NPFFR1: variants seen among roughly 807,000 people sequenced by gnomAD.
NPFFR1 encodes the protein G-protein coupled receptor 147.
NPFFR1 carries 17 observed loss-of-function variants against 12.7 expected under a neutral mutation model. The observed-to-expected ratio is 1.34, with a 90% CI of 0.92 to 2.01. NPFFR1 has a LOEUF of 2.01. Ranked by LOEUF, NPFFR1 falls within the 30% of genes most tolerant of loss-of-function variation. The pLI is 0.00. For missense variants in NPFFR1, 604 were observed against 606.5 expected (o/e 1.00, Z 0.04); for synonymous variants, 296 against 264.5 (o/e 1.12, Z -1.16).
rs1840489487 is a variant in NPFFR1 at position 70,249,591 on chromosome 10, T to G, written c.*5366A>C. ...TCTGCCTCCCAGGTTCAAGTGATTC[T>G]CCTGCCTCAGTCTCCCAAGTAGCTG... On this transcript the variant is annotated 3_prime_UTR_variant, in exon 4 of 4. Coordinates refer to ENST00000277942, the MANE Select transcript of NPFFR1 (RefSeq NM_022146.5). The G allele has an allele frequency of 6.6e-6, 1 of 151,422 alleles. No individual in the cohort carries two copies. The highest frequency in any genetic ancestry group is 2.1e-4 in the South Asian group (1 of 4,772). The allele number at this position is 151,422 out of a possible 1,614,324, so 9.4% of individuals were successfully genotyped here. A position where few individuals can be genotyped will look rare whatever the true frequency, so the allele number is the denominator to read the frequency against.
intron 1 of NPFFR1, among the ~76,000 whole-genome samples, chr10:70,280,336 A>G (rs1840847262): frequency 6.6e-6 from 1 of 152,204 alleles, no homozygotes; most frequent in African/African-American, 2.4e-5. Context: ...AATTTATTAC[A>G]TTCCCACCAA....
At chr10:70,276,721 G>A (rs1840809009) in intron 1 of NPFFR1, among the ~76,000 whole-genome samples, 2 of 151,540 alleles carry the variant, frequency 1.3e-5, no homozygotes, top group South Asian at 4.2e-4. Flanking sequence ...TGAGTAGCCA[G>A]GATTACAGAC....
chr10:70,283,333 C>T (rs1263747971), intron 1 of NPFFR1, among the ~76,000 whole-genome samples: 2 of 151,354 alleles, frequency 1.3e-5, no homozygotes, highest in Non-Finnish European at 2.9e-5. Context: ...GTCTCTATGT[C>T]TCTGTCTCTG....
chr10:70,283,222 A>ACT (rs758178711), intron 1 of NPFFR1, among the ~76,000 whole-genome samples: 8 of 109,312 alleles, frequency 7.3e-5, no homozygotes, highest in East Asian at 2.8e-4. Flanking sequence ...TCTCTCTCTC[A>ACT]CTCTCTCTCT....
chr10:70,279,580 T>C (rs2210665), intron 1 of NPFFR1, among the ~76,000 whole-genome samples: 143,252 of 152,224 alleles, frequency 0.94, 68,026 homozygotes, highest in East Asian at 1. Flanking sequence ...TTGCCTCAGC[T>C]TCCCGAGTAG....
In NPFFR1 at chr10:70,266,160, A is replaced by C. The variant is rs1166714577; in HGVS notation, c.239T>G (p.Met80Arg). 6.2e-7 allele frequency: 1 copy of C among 1,613,898 alleles called. No individual in the cohort carries two copies. The highest frequency in any genetic ancestry group is 1.3e-5 in the African/African-American group (1 of 74,928). Residue 80 changes from methionine (M) to arginine (R), a missense_variant, in exon 2 of 4, where the codon ATG (methionine) becomes AGG (arginine). Physicochemically the swap from Met to Arg is moderately conservative, Grantham distance 91. Coordinates refer to ENST00000277942, the MANE Select transcript of NPFFR1 (RefSeq NM_022146.5). ...KNRHMHTVTN[M>R]FILNLAVSDL... ...ACTGACAGCCAGGTTGAGGATGAAC[A>C]TGTTGGTGACAGTATGCATGTGCCG...
chr10:70,282,095 A>C (rs1840868620), intron 1 of NPFFR1, among the ~76,000 whole-genome samples: 1 of 152,214 alleles, frequency 6.6e-6, no homozygotes. Flanking sequence ...CCTCAAAAGC[A>C]ATGATTATAT....
intron 3 of NPFFR1, among the ~76,000 whole-genome samples, chr10:70,259,811 C>G (rs1231939382): frequency 6.6e-6 from 1 of 152,228 alleles, no homozygotes; most frequent in African/African-American, 2.4e-5. Context: ...CAGGAGCTCA[C>G]TGAAGCCTCC....
rs1589912562 is a variant in NPFFR1, at chr10:70,266,002, T to C, written c.322+75A>G. The C allele has an allele frequency of 2.1e-6, 3 of 1,401,560 alleles. No individual in the cohort carries two copies. In the African/African-American group the frequency reaches 4.2e-5, roughly 20 times the overall value. 86.8% of individuals were successfully genotyped at this position (1,401,560 alleles called of 1,614,324 possible). Reference sequence around the variant, plus strand: ...CAGCAATGATATCTGTCTTCTAAGCTTTGATTTCCAGCCTTATCTGAGAAG... The same window carrying C: ...CAGCAATGATATCTGTCTTCTAAGCCTTGATTTCCAGCCTTATCTGAGAAG... On this transcript the variant is annotated intron_variant, in intron 2 of 3. Coordinates refer to ENST00000277942, the MANE Select transcript of NPFFR1 (RefSeq NM_022146.5).
At chr10:70,282,052 G>A (rs1211160966) in intron 1 of NPFFR1, among the ~76,000 whole-genome samples, 1 of 152,164 alleles carries the variant, frequency 6.6e-6, no homozygotes, top group Non-Finnish European at 1.5e-5. Flanking sequence ...CCCATCTTCA[G>A]TTTTCTGGCA....
rs1014530000 is a variant in NPFFR1 at position 70,250,885 on chromosome 10, A to G, written c.*4072T>C. ...GTTCTGCCTCAATAAAGCTGTTCCA[A>G]GAATGTTAAATATATTGAGAGATAT... On this transcript the variant is annotated 3_prime_UTR_variant, in exon 4 of 4. Coordinates refer to ENST00000277942, the MANE Select transcript of NPFFR1 (RefSeq NM_022146.5). 6.6e-6 allele frequency: 1 copy of G among 152,250 alleles called. No homozygotes were observed. The highest frequency in any genetic ancestry group is 2.4e-5 in the African/African-American group (1 of 41,462). The allele number at this position is 152,250 out of a possible 1,614,324, so 9.4% of individuals were successfully genotyped here.
intron 1 of NPFFR1, among the ~76,000 whole-genome samples, chr10:70,275,445 T>C (rs1010647026): frequency 1.3e-5 from 2 of 152,168 alleles, no homozygotes; most frequent in African/African-American, 4.8e-5. Flanking sequence ...GATTTCCCTC[T>C]CTCTTTCTCT....
chr10:70,279,163 T>C (rs1038394650), intron 1 of NPFFR1, among the ~76,000 whole-genome samples: 2 of 152,342 alleles, frequency 1.3e-5, no homozygotes, highest in South Asian at 4.1e-4. Context: ...AATCTTTTTT[T>C]GTATGTGTGA....
intron 1 of NPFFR1, among the ~76,000 whole-genome samples, chr10:70,267,465 C>T (rs1485934499): frequency 2.0e-5 from 3 of 152,126 alleles, no homozygotes; most frequent in Admixed American, 2.0e-4. Flanking sequence ...AAGGTGTTAG[C>T]TTCATTTGAA....
At position 70,248,108 on chromosome 10, in the gene NPFFR1, G is replaced by A. The variant is rs1315468956; in HGVS notation, c.*6849C>T. ...TACTCTGAACCTCAGTTTCCCAGAT[G>A]TAGGAAGGAGAGACCACAGCAGCTT... On this transcript the variant is annotated 3_prime_UTR_variant, in exon 4 of 4. Coordinates refer to ENST00000277942, the MANE Select transcript of NPFFR1 (RefSeq NM_022146.5). 1 of 152,150 alleles carries A rather than the reference G, an allele frequency of 6.6e-6. No homozygotes were observed. Among genetic ancestry groups the A allele is most frequent in the Admixed American group, 6.5e-5 (1 of 15,268 alleles). The allele number at this position is 152,150 out of a possible 1,614,324, so 9.4% of individuals were successfully genotyped here.
chr10:70,266,097 A>G lies in NPFFR1; in HGVS notation c.302T>C (p.Leu101Pro). ...CTCACCAGTGATGAGGTTGTCCACA[A>G]GGGTGGTGGGCATGCAGAAGATGCC... is the stretch of plus-strand genomic sequence containing the variant. ...LVGIFCMPTT[L>P]VDNLITGWPF... Residue 101 changes from leucine to proline, a missense_variant, in exon 2 of 4, where the codon CTT (leucine) becomes CCT (proline). By Grantham distance (98) the Leu-to-Pro change is moderately conservative. Transcript: ENST00000277942. 1 of 1,613,792 alleles carries G rather than the reference A, an allele frequency of 6.2e-7. No individual in the cohort carries two copies. The highest frequency in any genetic ancestry group is 2.2e-5 in the East Asian group (1 of 44,900).
intron 2 of NPFFR1, 108 bp downstream of exon 2, chr10:70,265,969 G>A: frequency 9.3e-7 from 1 of 1,075,894 alleles, no homozygotes; most frequent in Non-Finnish European, 1.4e-6. Context: ...ATGGCCAAGA[G>A]GCCAGCCCAG....
rs534255020 is a variant in NPFFR1 at position 70,264,761 on chromosome 10, G to A, written c.322+1316C>T. 3.3e-5 allele frequency among the ~76,000 whole-genome samples: 5 copies of A among 152,308 alleles called. No homozygotes were observed. In the South Asian group the frequency reaches 1.0e-3, roughly 32 times the overall value. ...TGCCTCCCAGGAGGGAGAAGAGCTG[G>A]GAGGCCAGAGGACAGGGGCGGAAGG... is the stretch of plus-strand genomic sequence containing the variant. On this transcript the variant is annotated intron_variant, in intron 2 of 3. Transcript: ENST00000277942.
chr10:70,248,423 G>A lies in NPFFR1; in HGVS notation c.*6534C>T, dbSNP rs909661868. 1 of 145,826 alleles carries A rather than the reference G, an allele frequency of 6.9e-6. No homozygotes were observed. The highest frequency in any genetic ancestry group is 2.5e-5 in the African/African-American group (1 of 39,494). The allele number at this position is 145,826 out of a possible 1,614,324, so 9.0% of individuals were successfully genotyped here. On this transcript the variant is annotated 3_prime_UTR_variant, in exon 4 of 4. Transcript: ENST00000277942. ...CCTCATGGAGCTTATGGTCCACTGT[G>A]AGAAATAAATAACAGACACAAAGTA...
Sources: gnomAD v4.1 joint callset for allele counts (sites outside exome capture counted in the v4.1 genomes callset) on GRCh38, gnomAD v4.1.1 for gene constraint, MANE v1.5 for transcripts, NCBI Gene and HGNC (gene_info 2026-07-23, HGNC 2026-07-21) for gene names.